Variants in SPEF2 observed in about 807,000 individuals in gnomAD.
SPEF2 encodes sperm flagellar and cilia associated 2.
Under a neutral mutation model 224.6 loss-of-function variants are expected in SPEF2, and 187 were observed. That is an observed-to-expected ratio of 0.83 (90% CI 0.74 to 0.94). The LOEUF is 0.94. SPEF2 is among the 40% of genes least tolerant of loss of function. The pLI, the probability that SPEF2 is intolerant of heterozygous loss-of-function variation, is 0.00. For missense variants in SPEF2, 2,170 were observed against 2,135.6 expected, an observed-to-expected ratio of 1.02 and a Z score of -0.32; for synonymous variants, 715 against 707.3, an observed-to-expected ratio of 1.01 and a Z score of -0.17.
chr5:35,659,258 C>A (rs761317624), intron 8 of SPEF2, 51 bp downstream of exon 8: 6 of 1,492,558 alleles, frequency 4.0e-6, no homozygotes, highest in Non-Finnish European at 5.4e-6. Flanking sequence ...TTGTTTCTTT[C>A]TACCAAGTCG....
chr5:35,668,757 A>G (rs958586259), intron 9 of SPEF2, among the ~76,000 whole-genome samples: 23 of 152,230 alleles, frequency 1.5e-4, no homozygotes, highest in Admixed American at 2.6e-4. Context: ...AGAATTTTAC[A>G]GTAAAGGTCA....
rs763382880 is a variant in SPEF2 at position 35,670,097 on chromosome 5, T to A, written c.1394T>A (p.Leu465Gln). Residue 465 changes from leucine to glutamine, a missense_variant, in exon 10 of 37, where the codon CTA becomes CAA. By Grantham distance (113) the Leu-to-Gln change is moderately radical. Transcript: ENST00000356031. ...PYKLMHDWKE[L>Q]FFNAKPIYEQ... The stretch of plus-strand genomic sequence containing the variant: ...AAGTTGATGCATGATTGGAAGGAAC[T>A]ATTTTTTAATGCAAAACCCATATAT... 4 of 1,610,084 alleles carry A rather than the reference T, an allele frequency of 2.5e-6. No homozygotes were observed. Among genetic ancestry groups the A allele is most frequent in the Non-Finnish European group, 2.5e-6 (3 of 1,178,274 alleles).
chr5:35,798,317 C>T (rs778688153), intron 33 of SPEF2, among the ~76,000 whole-genome samples: 1 of 152,140 alleles, frequency 6.6e-6, no homozygotes, highest in Admixed American at 6.5e-5. Flanking sequence ...TCACCTCCTG[C>T]CATGCTCCCT....
At chr5:35,776,160 AC>A in intron 28 of SPEF2, 96 bp from the exon 29 acceptor site, 1 of 1,286,548 alleles carries the variant, frequency 7.8e-7, no homozygotes, top group Non-Finnish European at 1.1e-6. Flanking sequence ...CTAAAGCTTC[AC>A]AAATTGAAGC....
chr5:35,725,827 T>A (rs1744545527), intron 20 of SPEF2, among the ~76,000 whole-genome samples: 1 of 152,206 alleles, frequency 6.6e-6, no homozygotes, highest in South Asian at 2.1e-4. Context: ...TGCCATGGGT[T>A]TCTGTGTGAT....
At chr5:35,667,035 A>G (rs764747522) in intron 8 of SPEF2, 37 bp from the exon 9 acceptor site, 1 of 1,552,302 alleles carries the variant, frequency 6.4e-7, no homozygotes, top group East Asian at 2.3e-5. Flanking sequence ...ATTTGATTCA[A>G]TTATAGTGAC....
intron 3 of SPEF2, chr5:35,643,521 T>C (rs1463144274): frequency 2.2e-6 from 1 of 455,988 alleles, no homozygotes; most frequent in Admixed American, 2.4e-5. Context: ...GGGCCACTTA[T>C]CAGTTGAGAA....
At chr5:35,636,683 T>C (rs286440) in intron 2 of SPEF2, among the ~76,000 whole-genome samples, 38,561 of 151,928 alleles carry the variant, frequency 0.25, 7,530 homozygotes, top group African/African-American at 0.55. Flanking sequence ...AGTCAAATAG[T>C]AATACTCTGG....
intron 8 of SPEF2, among the ~76,000 whole-genome samples, chr5:35,659,740 A>G (rs573882792): frequency 6.6e-6 from 1 of 151,876 alleles, no homozygotes; most frequent in African/African-American, 2.4e-5. Context: ...CTTTTTTTTT[A>G]GATACTTTTT....
chr5:35,758,706 A>G (rs1035945434), intron 24 of SPEF2, among the ~76,000 whole-genome samples: 2 of 152,140 alleles, frequency 1.3e-5, no homozygotes, highest in South Asian at 2.1e-4. Context: ...AAAGAGAACT[A>G]TTCTTTAAAC....
chr5:35,712,937 C>T (rs1189570246), intron 20 of SPEF2, 51 bp downstream of exon 20: 1 of 1,508,370 alleles, frequency 6.6e-7, no homozygotes, highest in South Asian at 1.2e-5. Context: ...CATTTTATAA[C>T]TATCTCAGTG....
intron 20 of SPEF2, among the ~76,000 whole-genome samples, chr5:35,726,482 T>G (rs1396450220): frequency 6.6e-6 from 1 of 152,108 alleles, no homozygotes; most frequent in Admixed American, 6.5e-5. Context: ...TTTTATATAA[T>G]TTAGATATAA....
chr5:35,636,975 C>CAA lies in SPEF2; in HGVS notation c.162-4441_162-4440dup, dbSNP rs1168479903. 1.0e-4 allele frequency among the ~76,000 whole-genome samples: 6 copies of CAA among 58,764 alleles called. No individual in the cohort carries two copies. In the East Asian group the frequency reaches 1.7e-3, roughly 17 times the overall value. The allele number at this position is 58,764 out of a possible 152,430, so 38.6% of individuals were successfully genotyped here. On this transcript the variant is annotated intron_variant, in intron 2 of 36. Transcript: ENST00000356031. The stretch of plus-strand genomic sequence containing the variant: ...TGGGTGACAGAGTGAGACTCTGTCT[C>CAA]AAAAAAAAAAAAAAAAGAAAAAAGA...
At chr5:35,635,548 A>T (rs1182957757) in intron 2 of SPEF2, among the ~76,000 whole-genome samples, 1 of 152,198 alleles carries the variant, frequency 6.6e-6, no homozygotes, top group East Asian at 1.9e-4. Context: ...ATTTCCATTT[A>T]CAAAATGTAG....
At chr5:35,789,105 A>T (rs1755595928) in intron 30 of SPEF2, 1 of 695,030 alleles carries the variant, frequency 1.4e-6, no homozygotes, top group African/African-American at 1.8e-5. Context: ...AGCTCCTTGG[A>T]ATAATAATTT....
chr5:35,721,938 A>C (rs879703867), intron 20 of SPEF2, among the ~76,000 whole-genome samples: 2 of 152,212 alleles, frequency 1.3e-5, no homozygotes, highest in Admixed American at 1.3e-4. Flanking sequence ...CATGAAAAGC[A>C]CACAAGATTG....
At position 35,664,698 on chromosome 5, in the gene SPEF2, A is replaced by AAGAGAGAG. The variant is rs3069747; in HGVS notation, c.1168-2361_1168-2354dup. Among the ~76,000 whole-genome samples, 211 of 139,012 alleles carry AAGAGAGAG rather than the reference A, an allele frequency of 1.5e-3. 1 individual carries two copies. Among genetic ancestry groups the AAGAGAGAG allele is most frequent in the African/African-American group, 5.7e-3 (205 of 36,124 alleles). 91.2% of individuals were successfully genotyped at this position (139,012 alleles called of 152,430 possible). Reference sequence around the variant, plus strand: ...CATCTCGGGGGAAAGGAAGGGAAAGAAGAGAGAGAGAGAGAGAGAGGGAGG... The same window carrying AAGAGAGAG: ...CATCTCGGGGGAAAGGAAGGGAAAGAAGAGAGAGAGAGAGAGAGAGAGAGAGAGGGAGG... On this transcript the variant is annotated intron_variant, in intron 8 of 36. Coordinates refer to ENST00000356031, the MANE Select transcript of SPEF2 (RefSeq NM_024867.4).
At chr5:35,659,327 C>A in intron 8 of SPEF2, 120 bp downstream of exon 8, 1 of 979,368 alleles carries the variant, frequency 1.0e-6, no homozygotes, top group Non-Finnish European at 1.5e-6. Flanking sequence ...TTTGTATGAT[C>A]AACCTGTTAT....
At chr5:35,772,115 A>G (rs1176697082) in intron 27 of SPEF2, among the ~76,000 whole-genome samples, 1 of 152,222 alleles carries the variant, frequency 6.6e-6, no homozygotes, top group Non-Finnish European at 1.5e-5. Context: ...TTTAGAAGCT[A>G]TGTGTATGTT....
Sources: gnomAD v4.1 joint callset for allele counts (sites outside exome capture counted in the v4.1 genomes callset) on GRCh38, gnomAD v4.1.1 for gene constraint, MANE v1.5 for transcripts, NCBI Gene and HGNC (gene_info 2026-07-23, HGNC 2026-07-21) for gene names.